Variants in ZNF695 observed in about 807,000 individuals in gnomAD.
ZNF695 encodes the protein zinc finger protein SBZF3.
A neutral mutation model predicts 11.2 loss-of-function variants in ZNF695; 11 were observed. The observed-to-expected ratio is 0.98, with a 90% CI of 0.62 to 1.62. ZNF695 has a LOEUF of 1.62. ZNF695 is among the 40% of genes most tolerant of loss of function. ZNF695 has a pLI of 0.00. For synonymous variants in ZNF695, 190 were observed against 201.4 expected, an observed-to-expected ratio of 0.94 and a Z score of 0.48; for missense variants, 559 against 590.5, an observed-to-expected ratio of 0.95 and a Z score of 0.55.
At chr1:246,956,887 A>G (rs926275025) in intron 5 of ZNF695, among the ~76,000 whole-genome samples, 3 of 152,082 alleles carry the variant, frequency 2.0e-5, no homozygotes, top group South Asian at 4.1e-4. Context: ...TACTCAGTAT[A>G]ACGTCCTTAT....
chr1:246,979,447 G>C (rs1213917489), intron 4 of ZNF695, among the ~76,000 whole-genome samples: 1 of 152,080 alleles, frequency 6.6e-6, no homozygotes, highest in East Asian at 1.9e-4. Context: ...AGGGGACTGG[G>C]CTTTTGATTT....
Position 246,985,986 on chromosome 1 carries a change from T to A in ZNF695, c.*981A>T. The A allele has an allele frequency of 1.0e-6, 1 of 985,320 alleles. No homozygotes were observed. The highest frequency in any genetic ancestry group is 1.2e-6 in the Non-Finnish European group (1 of 829,882). The allele number at this position is 985,320 out of a possible 1,614,324, so 61.0% of individuals were successfully genotyped here. On this transcript the variant is annotated 3_prime_UTR_variant, in exon 4 of 4. Transcript: ENST00000339986. ...CTAGAAATGAAGGCATGGTATCAAGTGATTTAAGACTTGAATTACATAAAT... is the reference window on the plus strand; with the variant it reads ...CTAGAAATGAAGGCATGGTATCAAGAGATTTAAGACTTGAATTACATAAAT...
At chr1:246,962,592 C>T (rs1248769938) in intron 5 of ZNF695, among the ~76,000 whole-genome samples, 1 of 152,152 alleles carries the variant, frequency 6.6e-6, no homozygotes, top group African/African-American at 2.4e-5. Flanking sequence ...TGGGGCTGGC[C>T]TCTTCACCTC....
chr1:246,987,511 A>C lies in ZNF695; in HGVS notation c.1004T>G (p.Leu335Trp). 6.2e-7 allele frequency: 1 copy of C among 1,604,888 alleles called. No individual in the cohort carries two copies. The highest frequency in any genetic ancestry group is 8.5e-7 in the Non-Finnish European group (1 of 1,176,272). Residue 335 changes from leucine to tryptophan, a missense_variant, in exon 4 of 4, where the codon TTG (leucine) becomes TGG (tryptophan). Transcript: ENST00000339986. The part of the protein sequence containing the change: ...KCEECGKVFK[L>W]LSYLTQHRRI... ...TCTATGTTGAGTAAGGTATGACAAC[A>C]ATTTAAAGACTTTGCCACATTCTTC... is the stretch of plus-strand genomic sequence containing the variant.
intron 1 of ZNF695, among the ~76,000 whole-genome samples, chr1:247,002,225 T>C (rs545994360): frequency 6.6e-6 from 1 of 152,234 alleles, no homozygotes; most frequent in East Asian, 1.9e-4. Context: ...TTAAATAACC[T>C]GCTTCTGAAT....
chr1:246,957,381 TAA>T (rs748363026), intron 5 of ZNF695, among the ~76,000 whole-genome samples: 33 of 129,304 alleles, frequency 2.6e-4, no homozygotes, highest in Non-Finnish European at 1.7e-4. Flanking sequence ...AAACTCCGTC[TAA>T]AAAAAAAAAA....
rs955879969 is a variant in ZNF695, at chr1:246,986,671, C to A, written c.*296G>T. ...TGCATTTATTACATTTGTAGGGTTT[C>A]TCTCCAATACAAAGTCTTTGAAATT... On this transcript the variant is annotated 3_prime_UTR_variant, in exon 4 of 4. Transcript: ENST00000339986. The A allele has an allele frequency of 8.2e-6, 9 of 1,095,758 alleles. No homozygotes were observed. In the African/African-American group the frequency reaches 1.5e-4, roughly 18 times the overall value. 67.9% of individuals were successfully genotyped at this position (1,095,758 alleles called of 1,614,324 possible).
chr1:246,990,574 T>C (rs1199039129), intron 3 of ZNF695, among the ~76,000 whole-genome samples: 1 of 152,114 alleles, frequency 6.6e-6, no homozygotes, highest in Non-Finnish European at 1.5e-5. Context: ...AGAAAATCAA[T>C]AAAGAAACAT....
Position 246,999,892 on chromosome 1 carries a change from G to C in ZNF695, c.166+20C>G, listed in dbSNP as rs777406105. ...AACTCCCAGAAAACATTCTACAAAG[G>C]AAAAAGATGAAATCCTTACTGTGAA... On this transcript the variant is annotated intron_variant, in intron 2 of 3. Transcript: ENST00000339986. 1.1e-5 allele frequency: 17 copies of C among 1,611,470 alleles called. No individual in the cohort carries two copies. The highest frequency in any genetic ancestry group is 1.4e-5 in the Non-Finnish European group (17 of 1,178,394).
Position 247,004,128 on chromosome 1 carries a change from T to C in ZNF695, c.3+3778A>G, listed in dbSNP as rs796462059. Among the ~76,000 whole-genome samples the C allele has an allele frequency of 5.9e-5, 9 of 152,136 alleles. No individual in the cohort carries two copies. In the South Asian group the frequency reaches 1.9e-3, roughly 31 times the overall value. ...TCGGGAGGCTGAGGCAAGAAAATCA[T>C]TGAACCCAGAGGGCGGAGGTTGCAG... On this transcript the variant is annotated intron_variant, in intron 1 of 3. Coordinates refer to ENST00000339986, the MANE Select transcript of ZNF695 (RefSeq NM_020394.5).
chr1:246,945,755 C>T, exon 6 of ZNF695: 4 of 1,550,104 alleles, frequency 2.6e-6, no homozygotes, highest in Non-Finnish European at 3.5e-6. Context: ...GCAGGGAGTC[C>T]AGGCACTGTG....
chr1:246,957,493 TGGTAG>T (rs1668030888), intron 5 of ZNF695, among the ~76,000 whole-genome samples: 1 of 152,154 alleles, frequency 6.6e-6, no homozygotes, highest in Admixed American at 6.5e-5. Flanking sequence ...TTAATTTGGG[TGGTAG>T]GACTATATTG....
rs1292564709 is a variant in ZNF695, at chr1:246,986,283, G to A, written c.*684C>T. 3.8e-6 allele frequency: 3 copies of A among 791,962 alleles called. No individual in the cohort carries two copies. Among genetic ancestry groups the A allele is most frequent in the Non-Finnish European group, 4.6e-6 (3 of 653,742 alleles). 49.1% of individuals were successfully genotyped at this position (791,962 alleles called of 1,614,324 possible). ...AGGTTTTGCCATGTTGCCCAGCCTG[G>A]TCCCAAACTCCTGGGCTCAAGCAAT... On this transcript the variant is annotated 3_prime_UTR_variant, in exon 4 of 4. Coordinates refer to ENST00000339986, the MANE Select transcript of ZNF695 (RefSeq NM_020394.5).
chr1:246,951,611 C>T (rs965722816), intron 5 of ZNF695, among the ~76,000 whole-genome samples: 1 of 152,224 alleles, frequency 6.6e-6, no homozygotes, highest in African/African-American at 2.4e-5. Context: ...GAGACTATTA[C>T]ACGCTCCTAG....
At chr1:246,996,285 G>GCGGAGGC in intron 3 of ZNF695, 1 of 271,400 alleles carries the variant, frequency 3.7e-6, no homozygotes, top group Non-Finnish European at 7.2e-6. Flanking sequence ...AATCTGGAAG[G>GCGGAGGC]TGGAGGCTGC....
At chr1:246,967,848 T>G (rs761321832) in intron 4 of ZNF695, 1 of 238,484 alleles carries the variant, frequency 4.2e-6, no homozygotes, top group Non-Finnish European at 8.6e-6. Flanking sequence ...AACAATCAAG[T>G]ATCATGAGAA....
intron 1 of ZNF695, among the ~76,000 whole-genome samples, chr1:247,000,823 C>G (rs12748196): frequency 6.6e-6 from 1 of 152,122 alleles, no homozygotes; most frequent in African/African-American, 2.4e-5. Context: ...GTACACAGAC[C>G]ATTTACACTA....
chr1:247,007,869 C>T, intron 1 of ZNF695, 37 bp downstream of exon 1: 1 of 1,538,594 alleles, frequency 6.5e-7, no homozygotes, highest in Non-Finnish European at 8.8e-7. Context: ...CAACCACCCC[C>T]TCTCCCTTCT....
rs1669589032 is a variant in ZNF695 at position 247,007,896 on chromosome 1, G to A, written c.3+10C>T. 1.0e-5 allele frequency: 16 copies of A among 1,539,940 alleles called. No homozygotes were observed. The highest frequency in any genetic ancestry group is 1.3e-5 in the Non-Finnish European group (15 of 1,137,532). On this transcript the variant is annotated intron_variant, in intron 1 of 3. Coordinates refer to ENST00000339986, the MANE Select transcript of ZNF695 (RefSeq NM_020394.5). Reference sequence around the variant, plus strand: ...CTCCCTTCTCGGGACACCCTGCTCCGCACACTCACCATTTCCCAGCTTTTG... The same window carrying A: ...CTCCCTTCTCGGGACACCCTGCTCCACACACTCACCATTTCCCAGCTTTTG...
Sources: allele counts gnomAD v4.1 joint callset (sites outside exome capture counted in the v4.1 genomes callset), GRCh38; gene constraint gnomAD v4.1.1; transcripts MANE v1.5; gene names NCBI Gene and HGNC (gene_info 2026-07-23, HGNC 2026-07-21).